The following FSHR variants were observed in gnomAD, a reference collection of about 807,000 sequenced individuals.
FSHR encodes the protein follicle-stimulating hormone receptor.
In FSHR, 46 loss-of-function variants were observed where a neutral mutation model predicts 52.1. The observed-to-expected ratio is 0.88, with a 90% CI of 0.70 to 1.13. The LOEUF (loss-of-function observed/expected upper bound fraction) is 1.13, where lower values mean the gene tolerates loss of function less well. Among genes scored for constraint, FSHR ranks in the 50% most tolerant of loss-of-function variants. The pLI is 0.00. For synonymous variants in FSHR, 399 were observed against 309.6 expected, an observed-to-expected ratio of 1.29 and a Z score of -3.03; for missense variants, 964 against 834.6, an observed-to-expected ratio of 1.16 and a Z score of -1.91.
intron 5 of FSHR, 76 bp downstream of exon 5, chr2:48,990,490 A>G: frequency 1.0e-6 from 1 of 957,410 alleles, no homozygotes; most frequent in Non-Finnish European, 1.7e-6. Context: ...CACAATGCAT[A>G]TTAAAGGCCC....
intron 2 of FSHR, among the ~76,000 whole-genome samples, chr2:49,061,751 T>C (rs937377208): frequency 1.1e-4 from 13 of 115,582 alleles, no homozygotes; most frequent in Non-Finnish European, 2.3e-4. Context: ...TATATATAAC[T>C]ATTTATATAT....
intron 1 of FSHR, among the ~76,000 whole-genome samples, chr2:49,083,871 C>T (rs1022443052): frequency 6.7e-6 from 1 of 150,046 alleles, no homozygotes; most frequent in African/African-American, 2.5e-5. Context: ...TACAAAGAGA[C>T]TTAGACTCCC....
intron 8 of FSHR, among the ~76,000 whole-genome samples, chr2:48,977,168 T>A (rs1219477162): frequency 6.6e-6 from 1 of 152,082 alleles, no homozygotes; most frequent in African/African-American, 2.4e-5. Context: ...TAACCTTGAC[T>A]AATACAATGA....
intron 1 of FSHR, among the ~76,000 whole-genome samples, chr2:49,126,814 T>A (rs1390137888): frequency 6.6e-6 from 1 of 152,222 alleles, no homozygotes; most frequent in Non-Finnish European, 1.5e-5. Flanking sequence ...CTCCTTGTCC[T>A]AGGACACACC....
chr2:49,130,097 C>T (rs1248655521), intron 1 of FSHR, among the ~76,000 whole-genome samples: 1 of 152,088 alleles, frequency 6.6e-6, no homozygotes, highest in Non-Finnish European at 1.5e-5. Context: ...GGTTCAAATC[C>T]TGGATGTACC....
At chr2:49,009,411 G>A (rs1206115086) in intron 4 of FSHR, among the ~76,000 whole-genome samples, 1 of 151,840 alleles carries the variant, frequency 6.6e-6, no homozygotes, top group African/African-American at 2.4e-5. Context: ...CGAGTACCAT[G>A]CCGTTTTGGT....
At chr2:49,040,019 G>A (rs1391376976) in intron 2 of FSHR, among the ~76,000 whole-genome samples, 2 of 151,808 alleles carry the variant, frequency 1.3e-5, no homozygotes, top group South Asian at 2.1e-4. Flanking sequence ...ATTTCCAAAA[G>A]CATTTCCAAA....
At chr2:49,127,055 C>A (rs1672025661) in intron 1 of FSHR, among the ~76,000 whole-genome samples, 1 of 152,168 alleles carries the variant, frequency 6.6e-6, no homozygotes, top group African/African-American at 2.4e-5. Context: ...GACTCAGGTG[C>A]AGTGGCTCAT....
intron 4 of FSHR, among the ~76,000 whole-genome samples, chr2:49,016,612 T>G (rs1441998763): frequency 6.6e-6 from 1 of 152,132 alleles, no homozygotes; most frequent in Non-Finnish European, 1.5e-5. Context: ...ATAAATGAAC[T>G]TAGCTGAGGT....
chr2:49,149,549 T>A (rs1246588169), intron 1 of FSHR, among the ~76,000 whole-genome samples: 1 of 152,076 alleles, frequency 6.6e-6, no homozygotes, highest in Non-Finnish European at 1.5e-5. Context: ...CTTAGAAAAG[T>A]GGCTCAGTTT....
chr2:48,980,278 G>A (rs1283394798), intron 8 of FSHR, among the ~76,000 whole-genome samples: 1 of 152,214 alleles, frequency 6.6e-6, no homozygotes, highest in Non-Finnish European at 1.5e-5. Flanking sequence ...CATGGGGAGT[G>A]CTTCCTAATT....
chr2:49,061,626 A>G (rs1463872210), intron 2 of FSHR, among the ~76,000 whole-genome samples: 1 of 143,196 alleles, frequency 7.0e-6, no homozygotes, highest in Non-Finnish European at 1.5e-5. Context: ...ATATAAAAAT[A>G]CATATATCTA....
At chr2:48,968,952 G>T in intron 8 of FSHR, 69 bp from the exon 9 acceptor site, 1 of 1,358,228 alleles carries the variant, frequency 7.4e-7, no homozygotes, top group Non-Finnish European at 1.0e-6. Context: ...TGGTTAGCAG[G>T]CAAAATAGCA....
intron 1 of FSHR, among the ~76,000 whole-genome samples, chr2:49,094,599 A>G (rs773695395): frequency 6.6e-6 from 1 of 152,178 alleles, no homozygotes; most frequent in Non-Finnish European, 1.5e-5. Context: ...CTTTTCATTT[A>G]GAACTTTAAA....
rs1456114911 is a variant in FSHR, at chr2:49,065,278, C to T, written c.224+2941G>A. Among the ~76,000 whole-genome samples, 3 of 152,082 alleles carry T rather than the reference C, an allele frequency of 2.0e-5. No homozygotes were observed. The East Asian group carries it at 5.8e-4, about 29-fold the overall frequency. On this transcript the variant is annotated intron_variant, in intron 2 of 9. Transcript: ENST00000406846. ...GAGAATTTAAACAGTGCAAGTCTGG[C>T]AGCAGAGTGGCAGGAAGATTGGAGC...
rs148279853 is a variant in FSHR at position 49,068,234 on chromosome 2, C to G, written c.209G>C (p.Gly70Ala). Reference protein sequence around the residue: ...VIQKGAFSGFGDLEKIEISQN... With the variant: ...VIQKGAFSGFADLEKIEISQN... ...AGGTACATACATTTTCTCCAGGTCC[C>G]CAAATCCTGAAAATGCACCTTTTTG... Residue 70 changes from glycine (G) to alanine (A), a missense_variant, in exon 2 of 10, where the codon GGG (glycine) becomes GCG (alanine). Transcript: ENST00000406846. 3.8e-4 allele frequency: 616 copies of G among 1,610,638 alleles called. 3 individuals are homozygous for G. In the African/African-American group the frequency reaches 7.1e-3, roughly 18 times the overall value.
chr2:49,142,574 G>A (rs1672727527), intron 1 of FSHR, among the ~76,000 whole-genome samples: 1 of 152,156 alleles, frequency 6.6e-6, no homozygotes, highest in South Asian at 2.1e-4. Flanking sequence ...GTCATAGTAG[G>A]CAGTCATAAA....
Position 49,154,493 on chromosome 2 carries a change from A to T in FSHR, c.-76T>A. On this transcript the variant is annotated 5_prime_UTR_variant, in exon 1 of 10. Coordinates refer to ENST00000406846, the MANE Select transcript of FSHR (RefSeq NM_000145.4). ...TCCACAGATCTCAGAAGCTCCACACAGTGCCCTTATGAGAAGAGATCTGAC... is the reference window on the plus strand; with the variant it reads ...TCCACAGATCTCAGAAGCTCCACACTGTGCCCTTATGAGAAGAGATCTGAC... 6.7e-7 allele frequency: 1 copy of T among 1,486,922 alleles called. No individual in the cohort carries two copies. The highest frequency in any genetic ancestry group is 9.3e-7 in the Non-Finnish European group (1 of 1,070,124). 92.1% of individuals were successfully genotyped at this position (1,486,922 alleles called of 1,614,324 possible). A position where few individuals can be genotyped will look rare whatever the true frequency, so the allele number is the denominator to read the frequency against.
intron 1 of FSHR, among the ~76,000 whole-genome samples, chr2:49,120,064 G>C (rs1401114089): frequency 6.6e-6 from 1 of 152,160 alleles, no homozygotes; most frequent in Non-Finnish European, 1.5e-5. Flanking sequence ...GAGGTTAGGA[G>C]TACCAGACCC....
Sources: allele counts gnomAD v4.1 joint callset (sites outside exome capture counted in the v4.1 genomes callset), GRCh38; gene constraint gnomAD v4.1.1; transcripts MANE v1.5; gene names NCBI Gene and HGNC (gene_info 2026-07-23, HGNC 2026-07-21).